The following SLC26A5 variants were observed in gnomAD, a reference collection of about 807,000 sequenced individuals.
The protein encoded by SLC26A5 is solute carrier family 26 member 5, also known as prestin.
In SLC26A5, 51 loss-of-function variants were observed where a neutral mutation model predicts 81.0. That is an observed-to-expected ratio of 0.63 (90% CI 0.50 to 0.80). SLC26A5 has a LOEUF of 0.80. Ranked by LOEUF, SLC26A5 falls within the 30% of genes least tolerant of loss-of-function variation. The pLI, the probability that SLC26A5 is intolerant of heterozygous loss-of-function variation, is 0.00. For missense variants in SLC26A5, 771 were observed against 905.8 expected (o/e 0.85, Z 1.91); for synonymous variants, 325 against 332.8 (o/e 0.98, Z 0.25).
chr7:103,445,613 C>T lies in SLC26A5; in HGVS notation c.-183+485G>A, dbSNP rs556709281. 3.3e-5 allele frequency: 5 copies of T among 152,404 alleles called. No individual in the cohort carries two copies. The South Asian group carries it at 6.2e-4, about 19-fold the overall frequency. 9.4% of individuals were successfully genotyped at this position (152,404 alleles called of 1,614,324 possible). On this transcript the variant is annotated intron_variant, in intron 1 of 19. Coordinates refer to ENST00000306312, the MANE Select transcript of SLC26A5 (RefSeq NM_198999.3). ...GCCCAGTTTCGGGACCACAGCCTTG[C>T]TCCCTGGGAGCTCCGGGCGGCCAAT...
chr7:103,407,701 G>A (rs768200253), intron 8 of SLC26A5, 150 bp downstream of exon 8: 3 of 824,376 alleles, frequency 3.6e-6, no homozygotes, highest in Admixed American at 5.0e-5. Flanking sequence ...TTACTTTCTT[G>A]TCAATGAATT....
chr7:103,405,173 G>A (rs1823939979), intron 8 of SLC26A5, among the ~76,000 whole-genome samples: 2 of 152,026 alleles, frequency 1.3e-5, no homozygotes, highest in South Asian at 4.2e-4. Context: ...ACCTTCTGAA[G>A]CTTACTTCTG....
At chr7:103,423,494 T>A (rs1377396548) in intron 2 of SLC26A5, among the ~76,000 whole-genome samples, 1 of 152,164 alleles carries the variant, frequency 6.6e-6, no homozygotes, top group African/African-American at 2.4e-5. Flanking sequence ...TAACCCCCAA[T>A]ACAAGAGTAT....
chr7:103,361,725 A>T (rs1820426527), intron 19 of SLC26A5, among the ~76,000 whole-genome samples: 1 of 152,188 alleles, frequency 6.6e-6, no homozygotes, highest in Non-Finnish European at 1.5e-5. Flanking sequence ...CTTCTTAATG[A>T]TGAGATATTT....
intron 9 of SLC26A5, among the ~76,000 whole-genome samples, chr7:103,395,870 G>A (rs1673157201): frequency 6.6e-6 from 1 of 152,042 alleles, no homozygotes; most frequent in South Asian, 2.1e-4. Context: ...AAGCAAAGAA[G>A]TAACATGGTT....
rs1396886942 is a variant in SLC26A5 at position 103,411,456 on chromosome 7, G to A, written c.534C>T (p.Val178=). Residue 178 remains valine (V), a synonymous_variant, in exon 6 of 20, where the codon GTC becomes GTT. Coordinates refer to ENST00000306312, the MANE Select transcript of SLC26A5 (RefSeq NM_198999.3). ...CTGAAAGTAAGGTCACAGACATGGC[G>A]ACTTTCACTCTCAAGGCATCTCTGG... The part of the protein sequence containing the change: ...TEARDALRVK[V]AMSVTLLSGI... 22 of 1,613,972 alleles carry A rather than the reference G, an allele frequency of 1.4e-5. No individual in the cohort carries two copies. The highest frequency in any genetic ancestry group is 2.7e-5 in the African/African-American group (2 of 74,888).
chr7:103,392,644 C>G (rs1309827459), intron 10 of SLC26A5, among the ~76,000 whole-genome samples: 1 of 152,206 alleles, frequency 6.6e-6, no homozygotes, highest in Admixed American at 6.5e-5. Context: ...GCGGCGCGAC[C>G]TCGGCTCACT....
intron 19 of SLC26A5, among the ~76,000 whole-genome samples, chr7:103,358,069 G>A (rs961927166): frequency 1.3e-5 from 2 of 152,062 alleles, no homozygotes; most frequent in Non-Finnish European, 2.9e-5. Flanking sequence ...ACATCCTCTG[G>A]TAGCTTCTTG....
chr7:103,428,063 G>A (rs1825823954), intron 2 of SLC26A5, among the ~76,000 whole-genome samples: 1 of 152,008 alleles, frequency 6.6e-6, no homozygotes, highest in Non-Finnish European at 1.5e-5. Context: ...ATATTGGCCA[G>A]GCTGGTCTCC....
intron 19 of SLC26A5, chr7:103,354,740 C>A: frequency 4.9e-6 from 3 of 606,324 alleles, no homozygotes; most frequent in South Asian, 2.1e-5. Flanking sequence ...TCAGGAATAC[C>A]TCTCTACTTC....
chr7:103,385,598 A>G (rs757699337), intron 14 of SLC26A5, among the ~76,000 whole-genome samples: 10 of 152,308 alleles, frequency 6.6e-5, no homozygotes, highest in Non-Finnish European at 1.5e-4. Flanking sequence ...ACAAAGACCC[A>G]GCAAAATCAC....
chr7:103,352,752 T>C, exon 20 of SLC26A5: 1 of 745,040 alleles, frequency 1.3e-6, no homozygotes, highest in Non-Finnish European at 2.5e-6. Context: ...TTTCTTTATT[T>C]CACAAAAGAG....
At chr7:103,397,463 C>T (rs547840768) in intron 9 of SLC26A5, among the ~76,000 whole-genome samples, 2 of 145,160 alleles carry the variant, frequency 1.4e-5, no homozygotes, top group African/African-American at 5.0e-5. Flanking sequence ...ATGGCATGAA[C>T]CCAGGAGGCG....
At chr7:103,430,402 T>C (rs1410157476) in intron 2 of SLC26A5, among the ~76,000 whole-genome samples, 1 of 152,192 alleles carries the variant, frequency 6.6e-6, no homozygotes, top group Non-Finnish European at 1.5e-5. Flanking sequence ...TAGAGCTTCA[T>C]GTTTTTTTGC....
chr7:103,425,780 C>T (rs1414910552), intron 2 of SLC26A5, among the ~76,000 whole-genome samples: 1 of 152,098 alleles, frequency 6.6e-6, no homozygotes, highest in Non-Finnish European at 1.5e-5. Flanking sequence ...TCATTTAGGG[C>T]ATTGGTTCTC....
chr7:103,393,759 G>C (rs1278490866), intron 9 of SLC26A5, among the ~76,000 whole-genome samples: 4 of 152,052 alleles, frequency 2.6e-5, no homozygotes, highest in Non-Finnish European at 5.9e-5. Flanking sequence ...TGTAGTCTGG[G>C]ATCCTTATCC....
chr7:103,412,653 G>T (rs553149356), intron 5 of SLC26A5, among the ~76,000 whole-genome samples: 1 of 150,160 alleles, frequency 6.7e-6, no homozygotes, highest in Non-Finnish European at 1.5e-5. Flanking sequence ...AGGTTGAAGC[G>T]ATTCTCCTGC....
At chr7:103,395,315 G>T (rs1196690488) in intron 9 of SLC26A5, among the ~76,000 whole-genome samples, 2 of 148,714 alleles carry the variant, frequency 1.3e-5, no homozygotes, top group Admixed American at 6.8e-5. Flanking sequence ...GGTCTCCTCT[G>T]GATAGCCTGT....
chr7:103,427,580 A>G (rs1825791196), intron 2 of SLC26A5, among the ~76,000 whole-genome samples: 1 of 152,212 alleles, frequency 6.6e-6, no homozygotes, highest in Non-Finnish European at 1.5e-5. Context: ...TTATAAATAA[A>G]AAAATAACAA....
Sources: gnomAD v4.1 joint callset for allele counts (sites outside exome capture counted in the v4.1 genomes callset) on GRCh38, gnomAD v4.1.1 for gene constraint, MANE v1.5 for transcripts, NCBI Gene and HGNC (gene_info 2026-07-23, HGNC 2026-07-21) for gene names.